ATAD5: variants seen among roughly 807,000 people sequenced by gnomAD.
ATAD5 encodes the protein ATPase family AAA domain containing 5.
ATAD5 carries 58 observed loss-of-function variants against 176.9 expected under a neutral mutation model. That is an observed-to-expected ratio of 0.33 (90% CI 0.27 to 0.41). The LOEUF (loss-of-function observed/expected upper bound fraction) is 0.41, where lower values mean the gene tolerates loss of function less well. Ranked by LOEUF, ATAD5 falls within the 10% of genes least tolerant of loss-of-function variation. The pLI, the probability that ATAD5 is intolerant of heterozygous loss-of-function variation, is 1.00. For synonymous variants in ATAD5, 640 were observed against 712.6 expected (o/e 0.90, Z 1.62); for missense variants, 1,789 against 2,094.1 (o/e 0.85, Z 2.84).
Position 30,834,449 on chromosome 17 carries a change from TA to T in ATAD5, c.371del (p.Asn124IlefsTer24). The T allele has an allele frequency of 6.3e-7, 1 of 1,591,366 alleles. No individual in the cohort carries two copies. The highest frequency in any genetic ancestry group is 8.5e-7 in the Non-Finnish European group (1 of 1,170,300). The stretch of plus-strand genomic sequence containing the variant: ...AAGAGGGTTAATTTATCTCATCAAC[TA>T]AATAATATTAAAACTGAAAATGAAG... Reference protein sequence around the residue: ...KRKRVNLSHQLNNIKTENEAP... With the variant: ...KRKRVNLSHQXNNIKTENEAP... On this transcript the variant is annotated frameshift_variant, in exon 2 of 23. Transcript: ENST00000321990. LOFTEE classifies it high-confidence loss of function.
At chr17:30,850,141 T>TA (rs940731563) in intron 6 of ATAD5, among the ~76,000 whole-genome samples, 7 of 151,170 alleles carry the variant, frequency 4.6e-5, no homozygotes, top group East Asian at 3.9e-4. Context: ...ATGCGGTCGC[T>TA]AAAAAAAAAT....
At chr17:30,877,131 C>A (rs957053607) in intron 15 of ATAD5, among the ~76,000 whole-genome samples, 4 of 152,130 alleles carry the variant, frequency 2.6e-5, no homozygotes, top group African/African-American at 9.7e-5. Context: ...GATGCTCCTG[C>A]CTCAGCCTCC....
chr17:30,859,447 C>T (rs1019784714), intron 9 of ATAD5, among the ~76,000 whole-genome samples: 1 of 152,104 alleles, frequency 6.6e-6, no homozygotes, highest in Non-Finnish European at 1.5e-5. Flanking sequence ...GCAACCTCTG[C>T]CTCCCAGATT....
rs891308590 is a variant in ATAD5, at chr17:30,847,327, T to TAG, written c.2450+2435_2450+2436dup. ...ATATGAATATGCCGCTATATATATA[T>TAG]AGAGAGAGAGAGAGAGAGAGAGAGA... On this transcript the variant is annotated intron_variant, in intron 6 of 22. Coordinates refer to ENST00000321990, the MANE Select transcript of ATAD5 (RefSeq NM_024857.5). Among the ~76,000 whole-genome samples the TAG allele has an allele frequency of 1.0e-3, 153 of 150,554 alleles. 1 individual carries two copies. The highest frequency in any genetic ancestry group is 4.4e-3 in the South Asian group (21 of 4,780).
chr17:30,887,080 GATA>G (rs1909363941), intron 18 of ATAD5, 109 bp from the exon 19 acceptor site: 12 of 776,708 alleles, frequency 1.5e-5, no homozygotes, highest in Non-Finnish European at 2.2e-5. Context: ...GAGCATTTAA[GATA>G]ATGTGAATTT....
chr17:30,894,907 CCCTTAATGTT>C lies in ATAD5; in HGVS notation c.5532_*6del, dbSNP rs779277321. On this transcript the variant is annotated stop_lost and 3_prime_UTR_variant, in exon 23 of 23. Coordinates refer to ENST00000321990, the MANE Select transcript of ATAD5 (RefSeq NM_024857.5). ...CTGTGAATACTTTGGCAGCTGACTT[CCCTTAATGTT>C]CCATACTAACAATGCTTTGTATAGA... 2.5e-5 allele frequency: 40 copies of C among 1,592,378 alleles called. No individual in the cohort carries two copies. The highest frequency in any genetic ancestry group is 3.4e-5 in the Non-Finnish European group (40 of 1,171,766).
intron 10 of ATAD5, 92 bp downstream of exon 10, chr17:30,860,704 T>A (rs1907579022): frequency 9.8e-7 from 1 of 1,015,948 alleles, no homozygotes; most frequent in Non-Finnish European, 1.4e-6. Flanking sequence ...ATATGCTTTT[T>A]AAAAAATTTT....
At chr17:30,836,973 C>CT (rs1344777488) in intron 2 of ATAD5, among the ~76,000 whole-genome samples, 2 of 152,078 alleles carry the variant, frequency 1.3e-5, no homozygotes, top group Non-Finnish European at 2.9e-5. Context: ...TCTTTGCTGT[C>CT]TATCTATCTG....
chr17:30,885,759 G>A (rs538633445), intron 18 of ATAD5, among the ~76,000 whole-genome samples: 39 of 149,652 alleles, frequency 2.6e-4, no homozygotes, highest in African/African-American at 8.8e-4. Flanking sequence ...TCAGCCTCCC[G>A]AGTAGCTGGG....
rs766908718 is a variant in ATAD5 at position 30,835,953 on chromosome 17, G to A, written c.1872G>A (p.Lys624=). 40 of 1,613,930 alleles carry A rather than the reference G, an allele frequency of 2.5e-5. No homozygotes were observed. Among genetic ancestry groups the A allele is most frequent in the Non-Finnish European group, 3.3e-5 (39 of 1,180,020 alleles). ...ATGTACAAGATAATAGTCAACTAAA[G>A]GCTTCCACTCAAAAAGCAGCCAACT... ...SDDVQDNSQL[K]ASTQKAANLS... Residue 624 remains lysine (K), a synonymous_variant, in exon 2 of 23, where the codon AAG becomes AAA. Coordinates refer to ENST00000321990, the MANE Select transcript of ATAD5 (RefSeq NM_024857.5).
intron 3 of ATAD5, among the ~76,000 whole-genome samples, chr17:30,838,426 C>T (rs2142310456): frequency 1.3e-5 from 2 of 152,328 alleles, no homozygotes; most frequent in East Asian, 3.9e-4. Flanking sequence ...CATCATTAAT[C>T]TCATAAAGTA....
At chr17:30,885,623 C>CTTTTTTTTTTT (rs778733612) in intron 18 of ATAD5, among the ~76,000 whole-genome samples, 235 of 93,806 alleles carry the variant, frequency 2.5e-3, no homozygotes, top group Middle Eastern at 0.011. Flanking sequence ...TTCCAACTTT[C>CTTTTTTTTTTT]TTTTTTTTTT....
rs199797274 is a variant in ATAD5, at chr17:30,893,246, C to G, written c.4441-48C>G. ...ATATTCATACAGGTAGAAAAGTATT[C>G]AAACTATGTACTGCTGTAACATTTC... On this transcript the variant is annotated intron_variant, in intron 20 of 22. Transcript: ENST00000321990. 2.6e-5 allele frequency: 39 copies of G among 1,508,978 alleles called. No homozygotes were observed. The East Asian group carries it at 8.6e-4, about 33-fold the overall frequency. 93.5% of individuals were successfully genotyped at this position (1,508,978 alleles called of 1,614,324 possible). A position where few individuals can be genotyped will look rare whatever the true frequency, so the allele number is the denominator to read the frequency against.
At chr17:30,853,534 A>G (rs1271386659) in intron 6 of ATAD5, among the ~76,000 whole-genome samples, 2 of 152,200 alleles carry the variant, frequency 1.3e-5, no homozygotes, top group Non-Finnish European at 2.9e-5. Context: ...ATCTGGCTTC[A>G]TAGCTTATTT....
At position 30,832,278 on chromosome 17, in the gene ATAD5, C is replaced by T; in HGVS notation, c.-70C>T. 3 of 1,361,046 alleles carry T rather than the reference C, an allele frequency of 2.2e-6. No individual in the cohort carries two copies. Among genetic ancestry groups the T allele is most frequent in the African/African-American group, 1.5e-5 (1 of 66,872 alleles). The allele number at this position is 1,361,046 out of a possible 1,614,324, so 84.3% of individuals were successfully genotyped here. A position where few individuals can be genotyped will look rare whatever the true frequency, so the allele number is the denominator to read the frequency against. ...TGCTGCTACTGGAGCGGGCCGCCTC[C>T]ATGGCCTCCAGGCAGGCCGGGCTGG... On this transcript the variant is annotated 5_prime_UTR_variant, in exon 1 of 23. Transcript: ENST00000321990.
chr17:30,867,609 G>A (rs1053487012), intron 11 of ATAD5, among the ~76,000 whole-genome samples: 7 of 152,034 alleles, frequency 4.6e-5, no homozygotes, highest in Non-Finnish European at 8.8e-5. Context: ...ACAACATACC[G>A]CAGTTCTTTT....
chr17:30,882,983 T>C (rs1379560800), intron 18 of ATAD5, among the ~76,000 whole-genome samples: 1 of 152,194 alleles, frequency 6.6e-6, no homozygotes, highest in East Asian at 1.9e-4. Flanking sequence ...TCTATAAATA[T>C]ACTAAAACCA....
chr17:30,834,903 C>A lies in ATAD5; in HGVS notation c.822C>A (p.His274Gln), dbSNP rs747220752. Residue 274 changes from histidine (H) to glutamine (Q), a missense_variant, in exon 2 of 23, where the codon CAC becomes CAA. This residue lies in a region of ATAD5 where 696 missense variants were observed against 712.5 expected (regional missense o/e 0.98). Transcript: ENST00000321990. ...TVSYEEFLKSHKENKVEEIPD... is the reference protein window; with the variant it reads ...TVSYEEFLKSQKENKVEEIPD... The stretch of plus-strand genomic sequence containing the variant: ...CATATGAGGAATTTTTAAAAAGTCA[C>A]AAGGAAAATAAAGTGGAAGAGATAC... 4.3e-6 allele frequency: 7 copies of A among 1,613,562 alleles called. No homozygotes were observed. The East Asian group carries it at 1.6e-4, about 36-fold the overall frequency.
At chr17:30,842,984 C>G (rs911580532) in intron 4 of ATAD5, among the ~76,000 whole-genome samples, 1 of 151,946 alleles carries the variant, frequency 6.6e-6, no homozygotes, top group African/African-American at 2.4e-5. Context: ...CTCAGGTAAT[C>G]CCCCCTGCCT....
Sources: allele counts gnomAD v4.1 joint callset (sites outside exome capture counted in the v4.1 genomes callset), GRCh38; gene constraint gnomAD v4.1.1; regional missense constraint gnomAD v4.1.1; transcripts MANE v1.5; gene names NCBI Gene and HGNC (gene_info 2026-07-23, HGNC 2026-07-21).